Variants in ROR1 observed in about 807,000 individuals in gnomAD.
ROR1 encodes inactive tyrosine-protein kinase transmembrane receptor ROR1.
In ROR1, 19 loss-of-function variants were observed where a neutral mutation model predicts 78.8. The ratio of observed to expected loss-of-function variants is 0.24; its 90% CI spans 0.17 to 0.35. The LOEUF (loss-of-function observed/expected upper bound fraction) is 0.35, where lower values mean the gene tolerates loss of function less well. Ranked by LOEUF, ROR1 falls within the 10% of genes least tolerant of loss-of-function variation. The pLI is 1.00. For missense variants in ROR1, 917 were observed against 1,177.8 expected (o/e 0.78, Z 3.24); for synonymous variants, 386 against 433.6 (o/e 0.89, Z 1.36).
chr1:63,959,508 C>A (rs894896300), intron 1 of ROR1, among the ~76,000 whole-genome samples: 3 of 152,340 alleles, frequency 2.0e-5, no homozygotes, highest in South Asian at 2.1e-4. Flanking sequence ...TCACCCTCCC[C>A]CATCGTCTGG....
chr1:64,004,829 G>C (rs1312798722), intron 1 of ROR1, among the ~76,000 whole-genome samples: 1 of 152,098 alleles, frequency 6.6e-6, no homozygotes, highest in Non-Finnish European at 1.5e-5. Context: ...CTTATGGTTT[G>C]CAGAATCAGT....
rs1157586279 is a variant in ROR1, at chr1:63,997,831, G to GT, written c.92-11462dup. Among the ~76,000 whole-genome samples, 505 of 76,106 alleles carry GT rather than the reference G, an allele frequency of 6.6e-3. 2 individuals carry two copies. Among genetic ancestry groups the GT allele is most frequent in the African/African-American group, 8.6e-3 (283 of 32,730 alleles). The allele number at this position is 76,106 out of a possible 152,430, so 49.9% of individuals were successfully genotyped here. A position where few individuals can be genotyped will look rare whatever the true frequency, so the allele number is the denominator to read the frequency against. On this transcript the variant is annotated intron_variant, in intron 1 of 8. Transcript: ENST00000371079. ...GTTAGTTTCTGTATCTATGATTAGT[G>GT]TTTTTTTTTTTTAAAAGTCTTTACC... is the stretch of plus-strand genomic sequence containing the variant.
chr1:63,891,415 G>A (rs1437653160), intron 1 of ROR1, among the ~76,000 whole-genome samples: 1 of 152,130 alleles, frequency 6.6e-6, no homozygotes, highest in Non-Finnish European at 1.5e-5. Context: ...AGCTGTTGAA[G>A]GTGTGTTGCC....
At chr1:63,947,011 T>A (rs899811339) in intron 1 of ROR1, among the ~76,000 whole-genome samples, 1 of 152,168 alleles carries the variant, frequency 6.6e-6, no homozygotes, top group Non-Finnish European at 1.5e-5. Flanking sequence ...CAGTGGAGGC[T>A]ACATTAGGCT....
At chr1:64,037,421 C>T (rs1041673602) in intron 2 of ROR1, among the ~76,000 whole-genome samples, 8 of 152,164 alleles carry the variant, frequency 5.3e-5, no homozygotes, top group Admixed American at 4.6e-4. Flanking sequence ...TTTGCTAGCC[C>T]GAGCTGCAGT....
intron 1 of ROR1, among the ~76,000 whole-genome samples, chr1:63,902,579 C>T (rs914418949): frequency 4.6e-5 from 7 of 151,798 alleles, no homozygotes; most frequent in Non-Finnish European, 1.0e-4. Flanking sequence ...CTGCCTCAGC[C>T]CCCCAAAGTG....
rs142241475 is a variant in ROR1, at chr1:63,958,556, C to T, written c.92-50749C>T. 9.4e-4 allele frequency among the ~76,000 whole-genome samples: 143 copies of T among 152,258 alleles called. 3 individuals are homozygous for T. In the East Asian group the frequency reaches 0.025, roughly 27 times the overall value. ...GAGGAAGGGAAGGAGGGTCAAATTA[C>T]GTGGTTGATCAGTTAGGATAAATCC... On this transcript the variant is annotated intron_variant, in intron 1 of 8. Transcript: ENST00000371079.
intron 4 of ROR1, chr1:64,111,514 A>T (rs1458663083): frequency 6.6e-6 from 1 of 152,208 alleles, no homozygotes; most frequent in Non-Finnish European, 1.5e-5. Flanking sequence ...CTTCTTAAGA[A>T]CCCTCAGGAG....
chr1:63,827,551 G>A (rs1242490054), intron 1 of ROR1, among the ~76,000 whole-genome samples: 1 of 152,176 alleles, frequency 6.6e-6, no homozygotes, highest in Non-Finnish European at 1.5e-5. Context: ...CTGTAAACTG[G>A]AAGCATTCTG....
chr1:64,073,835 G>GA (rs71836156), intron 4 of ROR1, among the ~76,000 whole-genome samples: 14 of 151,226 alleles, frequency 9.3e-5, no homozygotes, highest in African/African-American at 2.2e-4. Flanking sequence ...TGTGGGAAAG[G>GA]AAAAAAAAAT....
intron 1 of ROR1, among the ~76,000 whole-genome samples, chr1:64,002,570 A>G (rs1646393992): frequency 1.3e-5 from 2 of 152,212 alleles, no homozygotes; most frequent in Admixed American, 1.3e-4. Flanking sequence ...TCAAGAATAC[A>G]GTCTATTTTT....
At chr1:64,038,750 T>C (rs1646723300) in intron 2 of ROR1, among the ~76,000 whole-genome samples, 1 of 152,198 alleles carries the variant, frequency 6.6e-6, no homozygotes, top group African/African-American at 2.4e-5. Context: ...GTTTATCTAT[T>C]TATAATAGAT....
At chr1:63,932,567 G>A (rs1645762377) in intron 1 of ROR1, among the ~76,000 whole-genome samples, 1 of 152,260 alleles carries the variant, frequency 6.6e-6, no homozygotes, top group African/African-American at 2.4e-5. Context: ...AAGGAAGAAT[G>A]ATGCCCCTGA....
intron 1 of ROR1, among the ~76,000 whole-genome samples, chr1:63,891,076 G>A (rs1174873682): frequency 2.0e-5 from 3 of 152,146 alleles, no homozygotes; most frequent in African/African-American, 7.2e-5. Flanking sequence ...TCAGGTATGG[G>A]AATGTCACAT....
intron 8 of ROR1, among the ~76,000 whole-genome samples, chr1:64,160,760 A>G (rs1393667445): frequency 6.6e-6 from 1 of 152,128 alleles, no homozygotes; most frequent in Non-Finnish European, 1.5e-5. Flanking sequence ...TGTAAGAGTC[A>G]TTGTTCCATG....
chr1:64,120,380 G>A (rs1648486889), intron 4 of ROR1, among the ~76,000 whole-genome samples: 1 of 152,096 alleles, frequency 6.6e-6, no homozygotes. Context: ...CAGTTTTTAA[G>A]AGCTACATTT....
intron 1 of ROR1, among the ~76,000 whole-genome samples, chr1:63,958,306 G>A (rs2100481068): frequency 6.6e-6 from 1 of 151,808 alleles, no homozygotes; most frequent in South Asian, 2.1e-4. Flanking sequence ...ATTCTTTTTT[G>A]TGAGTCCCGC....
At chr1:63,879,584 G>A (rs1281478295) in intron 1 of ROR1, among the ~76,000 whole-genome samples, 1 of 152,130 alleles carries the variant, frequency 6.6e-6, no homozygotes, top group African/African-American at 2.4e-5. Flanking sequence ...GCAAAACACT[G>A]CGTATTATAT....
At chr1:63,990,982 A>G (rs1461644875) in intron 1 of ROR1, among the ~76,000 whole-genome samples, 1 of 152,236 alleles carries the variant, frequency 6.6e-6, no homozygotes, top group Non-Finnish European at 1.5e-5. Context: ...GCAATGGTGC[A>G]ATAACAGCTC....
Sources: allele counts gnomAD v4.1 joint callset (sites outside exome capture counted in the v4.1 genomes callset), GRCh38; gene constraint gnomAD v4.1.1; transcripts MANE v1.5; gene names NCBI Gene and HGNC (gene_info 2026-07-23, HGNC 2026-07-21).